The following GPM6A variants were observed in gnomAD, a reference collection of about 807,000 sequenced individuals.
GPM6A encodes neuronal membrane glycoprotein M6-a.
Under a neutral mutation model 32.1 loss-of-function variants are expected in GPM6A, and 7 were observed. The observed-to-expected ratio is 0.22, with a 90% CI of 0.12 to 0.41. The LOEUF is 0.41. GPM6A is among the 10% of genes least tolerant of loss of function. The pLI is 1.00. For synonymous variants in GPM6A, 130 were observed against 123.4 expected, an observed-to-expected ratio of 1.05 and a Z score of -0.35; for missense variants, 235 against 347.2, an observed-to-expected ratio of 0.68 and a Z score of 2.57.
intron 1 of GPM6A, among the ~76,000 whole-genome samples, chr4:175,868,606 C>T (rs1237745278): frequency 1.3e-5 from 2 of 152,070 alleles, no homozygotes; most frequent in African/African-American, 4.8e-5. Flanking sequence ...AGATCAGTTT[C>T]CAAATGTTTG....
rs182022342 is a variant in GPM6A at position 175,646,224 on chromosome 4, G to C, written c.542-5395C>G. ...CCAAACAGAGGCTTAGCCTACACAG[G>C]AAAAATATAACCAATATTTTACCAA... On this transcript the variant is annotated intron_variant, in intron 4 of 6. Coordinates refer to ENST00000393658, the MANE Select transcript of GPM6A (RefSeq NM_201591.3). 2.0e-5 allele frequency among the ~76,000 whole-genome samples: 3 copies of C among 152,130 alleles called. No homozygotes were observed. In the East Asian group the frequency reaches 5.8e-4, roughly 29 times the overall value.
At chr4:175,955,064 A>T (rs1158194814) in intron 1 of GPM6A, among the ~76,000 whole-genome samples, 1 of 152,204 alleles carries the variant, frequency 6.6e-6, no homozygotes, top group Non-Finnish European at 1.5e-5. Context: ...GAGATGAATC[A>T]CCCTATTCTC....
intron 1 of GPM6A, among the ~76,000 whole-genome samples, chr4:175,899,261 A>G (rs1400659229): frequency 6.6e-6 from 1 of 152,256 alleles, no homozygotes; most frequent in Non-Finnish European, 1.5e-5. Flanking sequence ...AAGAACTTGC[A>G]TAAAGACAAT....
At chr4:175,974,360 CGATT>C (rs1180901612) in intron 1 of GPM6A, among the ~76,000 whole-genome samples, 3 of 150,966 alleles carry the variant, frequency 2.0e-5, no homozygotes, top group African/African-American at 7.4e-5. Context: ...TTTGTTTGAT[CGATT>C]GTTTGTTTTG....
Position 175,640,189 on chromosome 4 carries a change from G to A in GPM6A, c.624C>T (p.Asn208=). 1 of 1,613,270 alleles carries A rather than the reference G, an allele frequency of 6.2e-7. No individual in the cohort carries two copies. The highest frequency in any genetic ancestry group is 1.1e-5 in the South Asian group (1 of 91,070). ...FLRMCESTEL[N]MTFHLFIVAL... ...CCACAATAAACAAGTGGAAGGTCAT[G>A]TTCAGCTGCAATGGAAACCACAGAG... is the stretch of plus-strand genomic sequence containing the variant. Residue 208 remains asparagine (N), a synonymous_variant, in exon 6 of 7, where the codon AAC becomes AAT. Transcript: ENST00000393658.
intron 1 of GPM6A, among the ~76,000 whole-genome samples, chr4:175,843,226 C>G: frequency 6.6e-6 from 1 of 152,092 alleles, no homozygotes. Context: ...TAAGAAAATA[C>G]AGAATATAAA....
At chr4:175,873,639 A>T (rs1439351470) in intron 1 of GPM6A, among the ~76,000 whole-genome samples, 2 of 152,170 alleles carry the variant, frequency 1.3e-5, no homozygotes, top group Non-Finnish European at 2.9e-5. Flanking sequence ...CAAAAAAGGC[A>T]CTTAATTTCT....
chr4:175,889,245 A>G (rs1400130591), intron 1 of GPM6A, among the ~76,000 whole-genome samples: 1 of 152,186 alleles, frequency 6.6e-6, no homozygotes. Context: ...TAAGCGACAA[A>G]TAATACAAAC....
intron 1 of GPM6A, among the ~76,000 whole-genome samples, chr4:175,901,906 G>A (rs989931007): frequency 1.3e-5 from 2 of 151,906 alleles, no homozygotes; most frequent in African/African-American, 4.8e-5. Context: ...GAGATTACAG[G>A]TGTGAGCCAC....
Position 175,806,233 on chromosome 4 carries a change from T to C in GPM6A, c.37+5958A>G, listed in dbSNP as rs143255407. On this transcript the variant is annotated intron_variant, in intron 1 of 6. Transcript: ENST00000393658. Reference sequence around the variant, plus strand: ...CCTATGAATCTCTCATGAGCCATTGTCTTCTGATGAATTAAGGAATAATTA... The same window carrying C: ...CCTATGAATCTCTCATGAGCCATTGCCTTCTGATGAATTAAGGAATAATTA... 2.1e-3 allele frequency among the ~76,000 whole-genome samples: 322 copies of C among 152,312 alleles called. 2 individuals are homozygous for C. The highest frequency in any genetic ancestry group is 7.3e-3 in the African/African-American group (302 of 41,574).
At chr4:175,904,640 T>A (rs1738073705) in intron 1 of GPM6A, among the ~76,000 whole-genome samples, 1 of 152,152 alleles carries the variant, frequency 6.6e-6, no homozygotes, top group South Asian at 2.1e-4. Context: ...GTTTATTATA[T>A]CTGAACGTGA....
At chr4:175,860,020 T>C (rs1216517380) in intron 1 of GPM6A, among the ~76,000 whole-genome samples, 1 of 152,102 alleles carries the variant, frequency 6.6e-6, no homozygotes, top group Non-Finnish European at 1.5e-5. Flanking sequence ...ATACAACTTA[T>C]TGAAATTTAT....
At chr4:175,965,443 T>C (rs534555734) in intron 1 of GPM6A, among the ~76,000 whole-genome samples, 2 of 151,724 alleles carry the variant, frequency 1.3e-5, no homozygotes, top group East Asian at 1.9e-4. Context: ...TTAATTAAAG[T>C]AGAATACAAG....
chr4:175,859,447 C>T (rs890283395), intron 1 of GPM6A, among the ~76,000 whole-genome samples: 1 of 152,140 alleles, frequency 6.6e-6, no homozygotes, highest in Non-Finnish European at 1.5e-5. Context: ...ACTAGTTAAG[C>T]AACACGAAAC....
intron 1 of GPM6A, among the ~76,000 whole-genome samples, chr4:175,902,940 G>T (rs914337490): frequency 2.0e-5 from 3 of 152,000 alleles, no homozygotes; most frequent in Non-Finnish European, 4.4e-5. Context: ...GCTAATCTAT[G>T]ATAAATAAAT....
intron 1 of GPM6A, among the ~76,000 whole-genome samples, chr4:175,718,596 A>G (rs1745961053): frequency 6.6e-6 from 1 of 152,148 alleles, no homozygotes; most frequent in Non-Finnish European, 1.5e-5. Context: ...AGCTTGGGTG[A>G]CAGACTAAGA....
chr4:175,850,389 C>T (rs1381642839), intron 1 of GPM6A, among the ~76,000 whole-genome samples: 1 of 151,988 alleles, frequency 6.6e-6, no homozygotes, highest in African/African-American at 2.4e-5. Context: ...AAAACAAAAT[C>T]GTGGATGTGA....
At chr4:176,001,486 C>A (rs186067094) in intron 1 of GPM6A, among the ~76,000 whole-genome samples, 1 of 152,176 alleles carries the variant, frequency 6.6e-6, no homozygotes, top group African/African-American at 2.4e-5. Context: ...GGGTGTGAAT[C>A]GGCTATTTCA....
chr4:175,674,896 CTT>C (rs560432130), intron 2 of GPM6A, among the ~76,000 whole-genome samples: 1 of 143,070 alleles, frequency 7.0e-6, no homozygotes, highest in Non-Finnish European at 1.5e-5. Flanking sequence ...CCCAGTTTTG[CTT>C]TTTTTTTTTA....
Sources: allele counts gnomAD v4.1 joint callset (sites outside exome capture counted in the v4.1 genomes callset), GRCh38; gene constraint gnomAD v4.1.1; transcripts MANE v1.5; gene names NCBI Gene and HGNC (gene_info 2026-07-23, HGNC 2026-07-21).